ST7: variants seen among roughly 807,000 people sequenced by gnomAD.
The protein encoded by ST7 is suppressor of tumorigenicity 7 protein.
A neutral mutation model predicts 78.7 loss-of-function variants in ST7; 28 were observed. That is an observed-to-expected ratio of 0.36 (90% CI 0.26 to 0.49). The LOEUF (loss-of-function observed/expected upper bound fraction) is 0.49, where lower values mean the gene tolerates loss of function less well. ST7 is among the 20% of genes least tolerant of loss of function. The pLI, the probability that ST7 is intolerant of heterozygous loss-of-function variation, is 0.99. For missense variants in ST7, 418 were observed against 696.0 expected, an observed-to-expected ratio of 0.60 and a Z score of 4.49; for synonymous variants, 247 against 249.6, an observed-to-expected ratio of 0.99 and a Z score of 0.10.
chr7:117,217,728 G>T (rs1792799340), intron 13 of ST7, among the ~76,000 whole-genome samples: 1 of 152,134 alleles, frequency 6.6e-6, no homozygotes, highest in Non-Finnish European at 1.5e-5. Flanking sequence ...TGTTTAAGAG[G>T]TTTCTGTTAT....
chr7:117,047,212 C>T (rs903146381), intron 1 of ST7, among the ~76,000 whole-genome samples: 8 of 152,160 alleles, frequency 5.3e-5, no homozygotes, highest in Non-Finnish European at 5.9e-5. Context: ...TCCTACCACT[C>T]ATCTTTTTTT....
In ST7 at chr7:116,999,808, C is replaced by CTTTT. The variant is rs71148356; in HGVS notation, c.151+46134_151+46137dup. ...TTTGCTTGTGCCTAGAATTTTCTTT[C>CTTTT]TTTTTTTTTTTTTTTTTTTTGAGAC... On this transcript the variant is annotated intron_variant, in intron 1 of 15. Coordinates refer to ENST00000323984, the MANE Select transcript of ST7 (RefSeq NM_001369598.1). 4.1e-3 allele frequency among the ~76,000 whole-genome samples: 429 copies of CTTTT among 104,378 alleles called. 2 individuals are homozygous for CTTTT. Among genetic ancestry groups the CTTTT allele is most frequent in the Middle Eastern group, 7.1e-3 (1 of 140 alleles). 68.5% of individuals were successfully genotyped at this position (104,378 alleles called of 152,430 possible).
At chr7:117,216,089 A>G (rs973259618) in intron 13 of ST7, among the ~76,000 whole-genome samples, 8 of 152,188 alleles carry the variant, frequency 5.3e-5, no homozygotes, top group African/African-American at 1.9e-4. Context: ...TTTTCCCCCC[A>G]GTATCAATTG....
At chr7:116,965,719 T>C (rs991870904) in intron 1 of ST7, 1 of 152,508 alleles carries the variant, frequency 6.6e-6, no homozygotes, top group Admixed American at 6.5e-5. Flanking sequence ...ATGTTTTCAG[T>C]TTTAACCAAG....
At chr7:117,119,437 A>G in intron 2 of ST7, 124 bp from the exon 3 acceptor site, 3 of 954,004 alleles carry the variant, frequency 3.1e-6, no homozygotes, top group Non-Finnish European at 4.4e-6. Context: ...TTTTTAGAAT[A>G]AACAGTTTTT....
intron 8 of ST7, chr7:117,136,502 AC>A: frequency 1.8e-6 from 1 of 563,866 alleles, no homozygotes; most frequent in Admixed American, 3.4e-5. Context: ...TTTAATAGTA[AC>A]CTTTTTTCCT....
intron 1 of ST7, among the ~76,000 whole-genome samples, chr7:116,989,296 C>A (rs2116372930): frequency 6.6e-6 from 1 of 152,282 alleles, no homozygotes; most frequent in African/African-American, 2.4e-5. Flanking sequence ...TCGTGCTACC[C>A]TTTTGGACAG....
At chr7:117,029,991 C>T (rs1052277054) in intron 1 of ST7, among the ~76,000 whole-genome samples, 1 of 151,944 alleles carries the variant, frequency 6.6e-6, no homozygotes, top group Non-Finnish European at 1.5e-5. Flanking sequence ...TTTCAAAATT[C>T]TTTTGGCTAT....
In ST7 at chr7:117,219,638, T is replaced by C. The variant is rs79883393; in HGVS notation, c.1498+462T>C. ...GCTGGCACCATGGCCAGATGTGGAG[T>C]TGTGGGGCAGGGCAGTGTGCTGTGT... On this transcript the variant is annotated intron_variant, in intron 14 of 15. Coordinates refer to ENST00000323984, the MANE Select transcript of ST7 (RefSeq NM_001369598.1). This position sits in a 1 kb window ranked among gnomAD's most constrained non-coding sequence, Gnocchi z 5.1. Among the ~76,000 whole-genome samples, 8,638 of 152,072 alleles carry C rather than the reference T, an allele frequency of 0.057. 284 individuals are homozygous for C. Among genetic ancestry groups the C allele is most frequent in the Non-Finnish European group, 0.069 (4,665 of 67,966 alleles).
chr7:117,054,790 T>C (rs916039107), intron 1 of ST7, among the ~76,000 whole-genome samples: 2 of 152,254 alleles, frequency 1.3e-5, no homozygotes, highest in African/African-American at 2.4e-5. Flanking sequence ...AACTCTCTGC[T>C]GGACATGCCA....
At chr7:117,101,088 A>G (rs1249108353) in intron 2 of ST7, among the ~76,000 whole-genome samples, 1 of 152,166 alleles carries the variant, frequency 6.6e-6, no homozygotes, top group Non-Finnish European at 1.5e-5. Flanking sequence ...TATGGAGGAC[A>G]GAAACCTGCA....
intron 13 of ST7, among the ~76,000 whole-genome samples, chr7:117,211,103 G>A (rs73470843): frequency 0.062 from 9,417 of 152,230 alleles, 925 homozygotes; most frequent in African/African-American, 0.2. Flanking sequence ...AGCAAAATGG[G>A]ATAGTGTAAA....
intron 12 of ST7, among the ~76,000 whole-genome samples, chr7:117,206,466 G>A (rs900272900): frequency 3.9e-5 from 6 of 152,142 alleles, no homozygotes; most frequent in African/African-American, 1.4e-4. Context: ...CTAATATAAG[G>A]TGGCGTGTGA....
At chr7:117,074,287 A>G (rs868107971) in intron 1 of ST7, among the ~76,000 whole-genome samples, 1 of 152,146 alleles carries the variant, frequency 6.6e-6, no homozygotes, top group Non-Finnish European at 1.5e-5. Context: ...CCTACTTTGG[A>G]GGTTGAGGCA....
At chr7:117,226,438 C>T (rs1793451049) in intron 15 of ST7, among the ~76,000 whole-genome samples, 1 of 152,124 alleles carries the variant, frequency 6.6e-6, no homozygotes, top group South Asian at 2.1e-4. Context: ...TGGTGTTGCT[C>T]ATTCAGACTT....
chr7:117,091,605 A>T (rs1800621290), intron 1 of ST7, among the ~76,000 whole-genome samples: 1 of 152,186 alleles, frequency 6.6e-6, no homozygotes. Context: ...CTCGGGGCAC[A>T]TAGAGTTGGT....
chr7:117,186,505 T>G (rs1310960741), intron 10 of ST7, among the ~76,000 whole-genome samples: 1 of 152,218 alleles, frequency 6.6e-6, no homozygotes, highest in Non-Finnish European at 1.5e-5. Flanking sequence ...CTACTCAGAA[T>G]GGCATGCTGT....
intron 1 of ST7, among the ~76,000 whole-genome samples, chr7:117,018,483 G>T (rs768621771): frequency 6.6e-6 from 1 of 151,410 alleles, no homozygotes; most frequent in Non-Finnish European, 1.5e-5. Flanking sequence ...CTCTTTTAAC[G>T]ATTTTTTTTC....
intron 12 of ST7, among the ~76,000 whole-genome samples, chr7:117,206,407 A>T (rs1047970859): frequency 1.3e-5 from 2 of 152,184 alleles, no homozygotes; most frequent in Admixed American, 1.3e-4. Flanking sequence ...GGCAAAGTTC[A>T]TGCTCTTGGG....
Sources: gnomAD v4.1 joint callset for allele counts (sites outside exome capture counted in the v4.1 genomes callset) on GRCh38, gnomAD v4.1.1 for gene constraint, Gnocchi (gnomAD v3.1) non-coding constraint, MANE v1.5 for transcripts, NCBI Gene and HGNC (gene_info 2026-07-23, HGNC 2026-07-21) for gene names.